The following ZEB1 variants were observed in gnomAD, a reference collection of about 807,000 sequenced individuals.
ZEB1 encodes zinc finger E-box-binding homeobox 1.
In ZEB1, 21 loss-of-function variants were observed where a neutral mutation model predicts 84.9. That is an observed-to-expected ratio of 0.25 (90% CI 0.18 to 0.36). The LOEUF is 0.36. ZEB1 is among the 10% of genes least tolerant of loss of function. The pLI is 1.00. For synonymous variants in ZEB1, 420 were observed against 471.1 expected, an observed-to-expected ratio of 0.89 and a Z score of 1.41; for missense variants, 1,104 against 1,330.2, an observed-to-expected ratio of 0.83 and a Z score of 2.65.
At chr10:31,319,137 C>A, upstream of ZEB1, 1 of 531,854 alleles carries the variant, frequency 1.9e-6, no homozygotes, top group Non-Finnish European at 2.9e-6. Context: ...AAACCAGGTG[C>A]GGTGGGGAGG....
intron 1 of ZEB1, among the ~76,000 whole-genome samples, chr10:31,410,392 C>T (rs574722259): frequency 1.3e-4 from 20 of 152,190 alleles, no homozygotes; most frequent in African/African-American, 2.9e-4. Flanking sequence ...GATACACTGC[C>T]GGATTCAGTT....
intron 2 of ZEB1, among the ~76,000 whole-genome samples, chr10:31,468,596 T>C (rs1363652230): frequency 1.3e-5 from 2 of 152,308 alleles, no homozygotes; most frequent in East Asian, 1.9e-4. Context: ...TTACCACATA[T>C]ACAGCATACC....
At position 31,521,561 on chromosome 10, in the gene ZEB1, A is replaced by C; in HGVS notation, c.2229A>C (p.Gln743His). ...CTCTTGATCTTTCACTACCAAAGCA[A>C]CAGGGAGAATTATTAGAAAGGTCAA... is the stretch of plus-strand genomic sequence containing the variant. ...VEPLDLSLPKQQGELLERSTI... is the reference protein window; with the variant it reads ...VEPLDLSLPKHQGELLERSTI... Residue 743 changes from glutamine (Q) to histidine (H), a missense_variant, in exon 7 of 9, where the codon CAA (glutamine) becomes CAC (histidine). By Grantham distance (24) the Gln-to-His change is conservative. Coordinates refer to ENST00000424869, the MANE Select transcript of ZEB1 (RefSeq NM_001174096.2). 1 of 1,614,124 alleles carries C rather than the reference A, an allele frequency of 6.2e-7. No individual in the cohort carries two copies. Among genetic ancestry groups the C allele is most frequent in the Non-Finnish European group, 8.5e-7 (1 of 1,180,010 alleles).
chr10:31,464,164 T>C (rs969050185), intron 2 of ZEB1, among the ~76,000 whole-genome samples: 1 of 151,950 alleles, frequency 6.6e-6, no homozygotes, highest in Non-Finnish European at 1.5e-5. Context: ...ATTTGGAAGA[T>C]AGAGAAAAAT....
At chr10:31,340,932 A>G (rs2039231937) in intron 1 of ZEB1, among the ~76,000 whole-genome samples, 1 of 152,166 alleles carries the variant, frequency 6.6e-6, no homozygotes, top group Non-Finnish European at 1.5e-5. Context: ...GTGAGAAACA[A>G]CATGGAATGT....
chr10:31,376,419 A>T (rs937760386), intron 1 of ZEB1, among the ~76,000 whole-genome samples: 2 of 151,860 alleles, frequency 1.3e-5, no homozygotes, highest in Non-Finnish European at 3.0e-5. Flanking sequence ...TGTATAACTT[A>T]TTTAAAATGA....
At chr10:31,524,190 A>T in intron 8 of ZEB1, 77 bp downstream of exon 8, 1 of 1,419,694 alleles carries the variant, frequency 7.0e-7, no homozygotes, top group Non-Finnish European at 9.7e-7. Flanking sequence ...CTAAAGTTTT[A>T]GAATTTTCTT....
At chr10:31,404,924 G>C (rs1402544490) in intron 1 of ZEB1, among the ~76,000 whole-genome samples, 1 of 152,206 alleles carries the variant, frequency 6.6e-6, no homozygotes, top group East Asian at 1.9e-4. Flanking sequence ...CTGGCTTCAT[G>C]GGTGTGCAAC....
At chr10:31,362,766 G>C (rs1245691808) in intron 1 of ZEB1, 1 of 639,864 alleles carries the variant, frequency 1.6e-6, no homozygotes, top group East Asian at 3.1e-5. Flanking sequence ...TTGATCTCCT[G>C]ATCCGCCCGC....
intron 1 of ZEB1, among the ~76,000 whole-genome samples, chr10:31,451,013 A>G (rs2060501302): frequency 6.6e-6 from 1 of 152,142 alleles, no homozygotes; most frequent in Admixed American, 6.5e-5. Flanking sequence ...CTCTTTAAAA[A>G]GTTACAAAAT....
rs911709061 is a variant in ZEB1, at chr10:31,320,418, C to T, written c.58+1126C>T. ...TTTTTGGGGAAGTTGTTACCTGGGC[C>T]GGACGCACGGAGCGCTGAAGCCGGA... is the stretch of plus-strand genomic sequence containing the variant. On this transcript the variant is annotated intron_variant, in intron 1 of 8. Coordinates refer to ENST00000424869, the MANE Select transcript of ZEB1 (RefSeq NM_001174096.2). The T allele has an allele frequency of 1.2e-4, 17 of 145,466 alleles. No individual in the cohort carries two copies. The Admixed American group carries it at 1.2e-3, about 10-fold the overall frequency. The allele number at this position is 145,466 out of a possible 1,614,324, so 9.0% of individuals were successfully genotyped here.
At chr10:31,441,132 C>A (rs1000712277) in intron 1 of ZEB1, among the ~76,000 whole-genome samples, 5 of 152,190 alleles carry the variant, frequency 3.3e-5, no homozygotes, top group Non-Finnish European at 7.4e-5. Flanking sequence ...AAGCTGGAGG[C>A]ATCACACTAC....
At chr10:31,338,489 A>C (rs1167073103) in intron 1 of ZEB1, among the ~76,000 whole-genome samples, 1 of 152,198 alleles carries the variant, frequency 6.6e-6, no homozygotes, top group Non-Finnish European at 1.5e-5. Flanking sequence ...GCTGTAAGAG[A>C]CCATATGAAG....
chr10:31,416,915 ACCATTATTGT>A (rs1422198717), intron 1 of ZEB1, among the ~76,000 whole-genome samples: 3 of 151,926 alleles, frequency 2.0e-5, no homozygotes, highest in African/African-American at 7.3e-5. Flanking sequence ...TACTTACAAA[ACCATTATTGT>A]CCAGTTCTAT....
At chr10:31,399,594 C>T in intron 1 of ZEB1, among the ~76,000 whole-genome samples, 1 of 152,142 alleles carries the variant, frequency 6.6e-6, no homozygotes, top group Middle Eastern at 3.2e-3. Context: ...TGTATTGATG[C>T]AAAAAGCCTC....
chr10:31,325,993 A>G (rs1324871071), intron 1 of ZEB1, among the ~76,000 whole-genome samples: 7 of 145,072 alleles, frequency 4.8e-5, no homozygotes, highest in African/African-American at 1.8e-4. Flanking sequence ...TTAAGTAGAT[A>G]GTGCTGAGTG....
intron 1 of ZEB1, among the ~76,000 whole-genome samples, chr10:31,454,457 T>C (rs954514307): frequency 2.0e-5 from 3 of 152,108 alleles, no homozygotes; most frequent in Admixed American, 2.0e-4. Flanking sequence ...GGTATTCAAA[T>C]AGGAAGAGAG....
intron 1 of ZEB1, among the ~76,000 whole-genome samples, chr10:31,353,483 C>T (rs2133909418): frequency 6.6e-6 from 1 of 152,258 alleles, no homozygotes; most frequent in Non-Finnish European, 1.5e-5. Flanking sequence ...GGCTATTTGC[C>T]ATAGTTCTAC....
chr10:31,409,459 T>C (rs1420443692), intron 1 of ZEB1, among the ~76,000 whole-genome samples: 1 of 152,200 alleles, frequency 6.6e-6, no homozygotes, highest in East Asian at 1.9e-4. Flanking sequence ...CCTTCAGCTT[T>C]GTTCTTTTGG....
Sources: allele counts gnomAD v4.1 joint callset (sites outside exome capture counted in the v4.1 genomes callset), GRCh38; gene constraint gnomAD v4.1.1; transcripts MANE v1.5; gene names NCBI Gene and HGNC (gene_info 2026-07-23, HGNC 2026-07-21).